KIT: variants seen among roughly 807,000 people sequenced by gnomAD.
KIT encodes the protein mast/stem cell growth factor receptor Kit.
Under a neutral mutation model 105.7 loss-of-function variants are expected in KIT, and 16 were observed. The observed-to-expected ratio is 0.15, with a 90% CI of 0.10 to 0.23. The LOEUF (loss-of-function observed/expected upper bound fraction) is 0.23, where lower values mean the gene tolerates loss of function less well. KIT is among the 10% of genes least tolerant of loss of function. The pLI is 1.00. For missense variants in KIT, 858 were observed against 1,213.8 expected, an observed-to-expected ratio of 0.71 and a Z score of 4.36; for synonymous variants, 438 against 441.1, an observed-to-expected ratio of 0.99 and a Z score of 0.09.
intron 1 of KIT, among the ~76,000 whole-genome samples, chr4:54,693,289 C>G (rs1272473707): frequency 6.6e-6 from 1 of 152,168 alleles, no homozygotes; most frequent in Non-Finnish European, 1.5e-5. Context: ...GAGCCACCAC[C>G]CTCTCTTTGA....
chr4:54,739,206 GC>G lies in KIT; in HGVS notation c.*651del, dbSNP rs1723109300. The G allele has an allele frequency of 7.2e-6, 2 of 279,548 alleles. No homozygotes were observed. Among genetic ancestry groups the G allele is most frequent in the Non-Finnish European group, 1.3e-5 (2 of 149,418 alleles). The allele number at this position is 279,548 out of a possible 1,614,324, so 17.3% of individuals were successfully genotyped here. A position where few individuals can be genotyped will look rare whatever the true frequency, so the allele number is the denominator to read the frequency against. ...ATTAGAGCATTGAATTGGAGAGAAG[GC>G]CTCCCTAGCCAGCACTTGTATATAC... On this transcript the variant is annotated 3_prime_UTR_variant, in exon 21 of 21. Coordinates refer to ENST00000288135, the MANE Select transcript of KIT (RefSeq NM_000222.3).
chr4:54,682,016 A>G (rs2109609630), intron 1 of KIT, among the ~76,000 whole-genome samples: 1 of 152,122 alleles, frequency 6.6e-6, no homozygotes, highest in Non-Finnish European at 1.5e-5. Flanking sequence ...ATATATTTAT[A>G]TTATAAGAGA....
intron 2 of KIT, among the ~76,000 whole-genome samples, chr4:54,697,002 A>T (rs185510690): frequency 6.6e-6 from 1 of 152,366 alleles, no homozygotes; most frequent in Non-Finnish European, 1.5e-5. Context: ...GGGCTCACAA[A>T]CATTCTTCAT....
chr4:54,733,085 T>A lies in KIT; in HGVS notation c.2377T>A (p.Leu793Met), dbSNP rs558702741. 12 of 1,612,288 alleles carry A rather than the reference T, an allele frequency of 7.4e-6. No homozygotes were observed. The highest frequency in any genetic ancestry group is 1.0e-5 in the Non-Finnish European group (12 of 1,178,542). ...AACCTAATAGTGTATTCACAGAGAC[T>A]TGGCAGCCAGAAATATCCTCCTTAC... is the stretch of plus-strand genomic sequence containing the variant. ...LASKNCIHRDLAARNILLTHG... is the reference protein window; with the variant it reads ...LASKNCIHRDMAARNILLTHG... Residue 793 changes from leucine to methionine, a missense_variant, in exon 17 of 21, where the codon TTG (leucine) becomes ATG (methionine). Around this residue, in one of 7 missense-constraint regions of KIT, gnomAD observed 63 missense variants for 137.4 expected, o/e 0.46. Coordinates refer to ENST00000288135, the MANE Select transcript of KIT (RefSeq NM_000222.3).
At chr4:54,673,404 A>G (rs2109577111) in intron 1 of KIT, among the ~76,000 whole-genome samples, 1 of 152,106 alleles carries the variant, frequency 6.6e-6, no homozygotes, top group East Asian at 1.9e-4. Flanking sequence ...GACACTGTTC[A>G]TTTTTATTTG....
intron 1 of KIT, among the ~76,000 whole-genome samples, chr4:54,661,454 G>A (rs1302002612): frequency 6.6e-6 from 1 of 152,202 alleles, no homozygotes; most frequent in African/African-American, 2.4e-5. Flanking sequence ...ATTAAAGAAG[G>A]ACACGAGGAA....
At chr4:54,703,232 A>T (rs977428635) in intron 4 of KIT, among the ~76,000 whole-genome samples, 1 of 152,206 alleles carries the variant, frequency 6.6e-6, no homozygotes, top group African/African-American at 2.4e-5. Context: ...CTGCAGGATG[A>T]GTTTCCAAGC....
chr4:54,716,293 G>C (rs985705200), intron 7 of KIT, among the ~76,000 whole-genome samples: 4 of 152,166 alleles, frequency 2.6e-5, no homozygotes, highest in Non-Finnish European at 5.9e-5. Flanking sequence ...GGCTGCAACA[G>C]TAACTGGAAC....
At chr4:54,705,462 A>G (rs1206868338) in intron 5 of KIT, among the ~76,000 whole-genome samples, 1 of 152,170 alleles carries the variant, frequency 6.6e-6, no homozygotes, top group Non-Finnish European at 1.5e-5. Flanking sequence ...TATTTTTAAG[A>G]TATACAACAT....
intron 6 of KIT, 32 bp downstream of exon 6, chr4:54,707,319 A>G (rs1392121880): frequency 7.1e-7 from 1 of 1,416,608 alleles, no homozygotes; most frequent in East Asian, 2.3e-5. Context: ...GGGGGATTAC[A>G]CATTACCCCC....
At chr4:54,699,062 T>C (rs1294461674) in intron 3 of KIT, among the ~76,000 whole-genome samples, 5 of 152,240 alleles carry the variant, frequency 3.3e-5, no homozygotes, top group Non-Finnish European at 7.3e-5. Context: ...TTATGTAGAA[T>C]ATTTCGTTAG....
At chr4:54,658,191 T>G in intron 1 of KIT, 110 bp downstream of exon 1, 1 of 1,075,856 alleles carries the variant, frequency 9.3e-7, no homozygotes, top group Non-Finnish European at 1.4e-6. Context: ...GGGCCCTCAG[T>G]GCCCGTGCGT....
rs864622699 is a variant in KIT, at chr4:54,695,530, T to A, written c.86T>A (p.Val29Glu). The A allele has an allele frequency of 9.9e-6, 16 of 1,614,204 alleles. No homozygotes were observed. Among genetic ancestry groups the A allele is most frequent in the Non-Finnish European group, 1.4e-5 (16 of 1,180,028 alleles). Residue 29 changes from valine to glutamate, a missense_variant, in exon 2 of 21, where the codon GTG (valine) becomes GAG (glutamate). By Grantham distance (121) the Val-to-Glu change is moderately radical. Coordinates refer to ENST00000288135, the MANE Select transcript of KIT (RefSeq NM_000222.3). Reference protein sequence around the residue: ...RVQTGSSQPSVSPGEPSPPSI... With the variant: ...RVQTGSSQPSESPGEPSPPSI... ...TTGGCAGGCTCTTCTCAACCATCTG[T>A]GAGTCCAGGGGAACCGTCTCCACCA...
intron 1 of KIT, among the ~76,000 whole-genome samples, chr4:54,677,672 C>T (rs993585537): frequency 1.6e-4 from 24 of 152,200 alleles, no homozygotes; most frequent in African/African-American, 5.8e-4. Context: ...AAGATACGCA[C>T]TCCTTTGCCT....
rs574366576 is a variant in KIT at position 54,675,918 on chromosome 4, G to T, written c.67+17837G>T. 5.3e-5 allele frequency among the ~76,000 whole-genome samples: 8 copies of T among 152,210 alleles called. No homozygotes were observed. In the South Asian group the frequency reaches 1.7e-3, roughly 32 times the overall value. Reference sequence around the variant, plus strand: ...CCCGGTGTCACTATTCTGGAGTCCCGTAGCTGTGACTGGAGAATTCTGCAA... The same window carrying T: ...CCCGGTGTCACTATTCTGGAGTCCCTTAGCTGTGACTGGAGAATTCTGCAA... On this transcript the variant is annotated intron_variant, in intron 1 of 20. Transcript: ENST00000288135.
At chr4:54,696,326 G>A (rs1720064290) in intron 2 of KIT, among the ~76,000 whole-genome samples, 1 of 152,152 alleles carries the variant, frequency 6.6e-6, no homozygotes, top group South Asian at 2.1e-4. Flanking sequence ...AATAAATATG[G>A]TAGTTGGAGT....
At chr4:54,715,784 T>C (rs974255219) in intron 7 of KIT, among the ~76,000 whole-genome samples, 7 of 152,138 alleles carry the variant, frequency 4.6e-5, no homozygotes, top group Admixed American at 3.9e-4. Flanking sequence ...AAGCCAGCCA[T>C]ATAGATGGCT....
In KIT at chr4:54,732,015, C is replaced by A. The variant is rs1181293100; in HGVS notation, c.2361+17C>A. ...TCCAAGAATGTAAGTGGGAGTGATT[C>A]TCTAAAGAGTTTTGTGTTTTGTTTT... On this transcript the variant is annotated intron_variant, in intron 16 of 20. Coordinates refer to ENST00000288135, the MANE Select transcript of KIT (RefSeq NM_000222.3). The A allele has an allele frequency of 1.3e-6, 2 of 1,556,338 alleles. No individual in the cohort carries two copies. The highest frequency in any genetic ancestry group is 4.6e-5 in the East Asian group (2 of 43,202).
chr4:54,680,240 CAGAT>C (rs1455761746), intron 1 of KIT, among the ~76,000 whole-genome samples: 2 of 152,058 alleles, frequency 1.3e-5, no homozygotes, highest in South Asian at 2.1e-4. Context: ...CACATGCACA[CAGAT>C]AGGCATATGT....
Sources: gnomAD v4.1 joint callset for allele counts (sites outside exome capture counted in the v4.1 genomes callset) on GRCh38, gnomAD v4.1.1 for gene constraint, gnomAD v4.1.1 regional missense constraint, MANE v1.5 for transcripts, NCBI Gene and HGNC (gene_info 2026-07-23, HGNC 2026-07-21) for gene names.